ADGRG6: variants seen among roughly 807,000 people sequenced by gnomAD.
ADGRG6 encodes the protein G-protein coupled receptor 126.
Under a neutral mutation model 142.4 loss-of-function variants are expected in ADGRG6, and 84 were observed. That is an observed-to-expected ratio of 0.59 (90% CI 0.49 to 0.71). The LOEUF (loss-of-function observed/expected upper bound fraction) is 0.71. ADGRG6 is among the 30% of genes least tolerant of loss of function. The pLI is 0.00. For synonymous variants in ADGRG6, 521 were observed against 520.5 expected (o/e 1.00, Z -0.01); for missense variants, 1,367 against 1,466.6 (o/e 0.93, Z 1.11).
intron 2 of ADGRG6, among the ~76,000 whole-genome samples, chr6:142,348,018 A>G (rs1024953194): frequency 3.3e-5 from 5 of 152,078 alleles, no homozygotes; most frequent in Non-Finnish European, 5.9e-5. Context: ...CTTCACAGGG[A>G]ACATTTTAAG....
Position 142,347,364 on chromosome 6 carries a change from G to A in ADGRG6, c.104-20205G>A, listed in dbSNP as rs564587864. ...GTATTGGGACTATCTCTCTACTTGG[G>A]AAACCAAATTTTAATGTCAATTTGT... On this transcript the variant is annotated intron_variant, in intron 2 of 24. Coordinates refer to ENST00000367609, the MANE Select transcript of ADGRG6 (RefSeq NM_198569.3). Among the ~76,000 whole-genome samples, 236 of 152,222 alleles carry A rather than the reference G, an allele frequency of 1.6e-3. 1 individual carries two copies. Among genetic ancestry groups the A allele is most frequent in the Non-Finnish European group, 2.9e-3 (197 of 67,998 alleles).
chr6:142,416,452 T>C (rs538165525), intron 20 of ADGRG6, among the ~76,000 whole-genome samples: 1 of 152,196 alleles, frequency 6.6e-6, no homozygotes, highest in Non-Finnish European at 1.5e-5. Flanking sequence ...CATGCCTATG[T>C]CTTGGAAACC....
At chr6:142,417,436 C>T (rs1776422505) in intron 21 of ADGRG6, 67 bp downstream of exon 21, 2 of 739,796 alleles carry the variant, frequency 2.7e-6, no homozygotes, top group African/African-American at 1.8e-5. Context: ...CATTAATTTC[C>T]ATGCCAATAA....
chr6:142,415,851 C>A lies in ADGRG6; in HGVS notation c.2725C>A (p.Leu909Met). 6.2e-7 allele frequency: 1 copy of A among 1,612,018 alleles called. No homozygotes were observed. Among genetic ancestry groups the A allele is most frequent in the Non-Finnish European group, 8.5e-7 (1 of 1,178,254 alleles). The stretch of plus-strand genomic sequence containing the variant: ...CTTGATGAACCTGAGCACAGCCCTG[C>A]TGTTCCTGAATCTCCTCTTCCTCCT... Reference protein sequence around the residue: ...KILMNLSTALLFLNLLFLLDG... With the variant: ...KILMNLSTALMFLNLLFLLDG... Residue 909 changes from leucine (L) to methionine (M), a missense_variant, in exon 20 of 25, where the codon CTG becomes ATG. Around this residue, in one of 3 missense-constraint regions of ADGRG6, gnomAD observed 286 missense variants for 371.4 expected, o/e 0.77. Transcript: ENST00000367609.
chr6:142,411,959 T>G (rs1263656855), intron 18 of ADGRG6, among the ~76,000 whole-genome samples: 1 of 152,164 alleles, frequency 6.6e-6, no homozygotes, highest in Non-Finnish European at 1.5e-5. Context: ...ACTTCAGAGC[T>G]GCAAGAGAGA....
intron 2 of ADGRG6, among the ~76,000 whole-genome samples, chr6:142,355,274 T>A (rs1780388547): frequency 6.6e-6 from 1 of 152,094 alleles, no homozygotes; most frequent in Admixed American, 6.6e-5. Context: ...TCACTGGGGC[T>A]CAGTCTTCCC....
At position 142,371,563 on chromosome 6, in the gene ADGRG6, G is replaced by A. The variant is rs539191018; in HGVS notation, c.1069+770G>A. 7.6e-4 allele frequency among the ~76,000 whole-genome samples: 112 copies of A among 146,678 alleles called. 3 individuals carry two copies. In the South Asian group the frequency reaches 0.018, roughly 23 times the overall value. ...CAGTGTCATGAGATCTCAGCTCACT[G>A]CAAGCTCTGCCTCCCAGATTCACGC... On this transcript the variant is annotated intron_variant, in intron 4 of 24. Coordinates refer to ENST00000367609, the MANE Select transcript of ADGRG6 (RefSeq NM_198569.3).
At chr6:142,350,665 A>G (rs2114771254) in intron 2 of ADGRG6, among the ~76,000 whole-genome samples, 1 of 152,324 alleles carries the variant, frequency 6.6e-6, no homozygotes, top group East Asian at 1.9e-4. Context: ...ATGAAATCAG[A>G]TATAATCTCA....
At chr6:142,352,363 A>G (rs1780227011) in intron 2 of ADGRG6, among the ~76,000 whole-genome samples, 1 of 152,226 alleles carries the variant, frequency 6.6e-6, no homozygotes, top group Non-Finnish European at 1.5e-5. Context: ...TAATGTAGGT[A>G]CAGCAAACCA....
At chr6:142,321,075 A>G (rs548268657) in intron 2 of ADGRG6, among the ~76,000 whole-genome samples, 2 of 152,110 alleles carry the variant, frequency 1.3e-5, no homozygotes, top group South Asian at 2.1e-4. Flanking sequence ...TGAAAGGTAT[A>G]CATAACCATA....
intron 2 of ADGRG6, among the ~76,000 whole-genome samples, chr6:142,335,085 G>A (rs1779248905): frequency 6.6e-6 from 1 of 152,152 alleles, no homozygotes; most frequent in Non-Finnish European, 1.5e-5. Context: ...TAGTAAGAAA[G>A]CAAAAGACGT....
chr6:142,355,835 A>G (rs1780415253), intron 2 of ADGRG6, among the ~76,000 whole-genome samples: 1 of 152,166 alleles, frequency 6.6e-6, no homozygotes, highest in African/African-American at 2.4e-5. Context: ...ACTGGCTAAA[A>G]GAAGACAGTA....
intron 2 of ADGRG6, among the ~76,000 whole-genome samples, chr6:142,318,457 A>G (rs1316190192): frequency 7.4e-6 from 1 of 134,258 alleles, no homozygotes; most frequent in Admixed American, 9.3e-5. Context: ...GGCTCATTTC[A>G]AAGTCCTAAT....
rs1250844252 is a variant in ADGRG6 at position 142,317,945 on chromosome 6, TATTTATA to T, written c.103+8302_103+8308del. On this transcript the variant is annotated intron_variant, in intron 2 of 24. Transcript: ENST00000367609. ...ATATTATATATTTATATATTATATA[TATTTATA>T]TTATATATTTATATATTATATATAT... is the stretch of plus-strand genomic sequence containing the variant. Among the ~76,000 whole-genome samples, 75 of 72,270 alleles carry T rather than the reference TATTTATA, an allele frequency of 1.0e-3. 3 individuals are homozygous for T. Among genetic ancestry groups the T allele is most frequent in the African/African-American group, 3.2e-3 (55 of 17,172 alleles). 47.4% of individuals were successfully genotyped at this position (72,270 alleles called of 152,430 possible). A position where few individuals can be genotyped will look rare whatever the true frequency, so the allele number is the denominator to read the frequency against.
intron 2 of ADGRG6, among the ~76,000 whole-genome samples, chr6:142,323,614 A>T (rs1223900665): frequency 6.6e-6 from 1 of 152,128 alleles, no homozygotes; most frequent in Non-Finnish European, 1.5e-5. Flanking sequence ...TGATTTCGTC[A>T]CTGTGCAAAC....
intron 1 of ADGRG6, among the ~76,000 whole-genome samples, chr6:142,307,626 GC>G (rs1777568412): frequency 6.6e-6 from 1 of 151,996 alleles, no homozygotes; most frequent in Non-Finnish European, 1.5e-5. Context: ...TTAAGTACTT[GC>G]CCTACAAACC....
At chr6:142,305,405 G>GC (rs67833729) in intron 1 of ADGRG6, among the ~76,000 whole-genome samples, 1,488 of 113,386 alleles carry the variant, frequency 0.013, 36 homozygotes, top group East Asian at 0.035. Context: ...CTCCTTTCCT[G>GC]CCCCCCCCCA....
At chr6:142,363,436 G>A (rs1482089725) in intron 2 of ADGRG6, among the ~76,000 whole-genome samples, 1 of 152,084 alleles carries the variant, frequency 6.6e-6, no homozygotes, top group Non-Finnish European at 1.5e-5. Flanking sequence ...TTTCATTATA[G>A]ATTAGAGTTT....
Position 142,383,775 on chromosome 6 carries a change from C to T in ADGRG6, c.1154C>T (p.Pro385Leu). 6.4e-7 allele frequency: 1 copy of T among 1,553,022 alleles called. No individual in the cohort carries two copies. Among genetic ancestry groups the T allele is most frequent in the South Asian group, 1.1e-5 (1 of 89,526 alleles). ...TTATTACCAGCTACTGTAAACTCTC[C>T]TAGTACTACACCACCCACTGTCACC... ...GTLCQATVNS[P>L]STTPPTVTTN... The change falls in exon 6 of 25, where the codon CCT (proline) becomes CTT (leucine). Residue 385 changes from proline to leucine, a missense_variant. This residue lies in a region of ADGRG6 where 737 missense variants were observed against 746.5 expected (regional missense o/e 0.99). Transcript: ENST00000367609.
Sources: allele counts gnomAD v4.1 joint callset (sites outside exome capture counted in the v4.1 genomes callset), GRCh38; gene constraint gnomAD v4.1.1; regional missense constraint gnomAD v4.1.1; transcripts MANE v1.5; gene names NCBI Gene and HGNC (gene_info 2026-07-23, HGNC 2026-07-21).